KCNQ1OT1: variants seen among roughly 807,000 people sequenced by gnomAD.
KCNQ1OT1 encodes KCNQ1 antisense RNA 2 (non-protein coding).
At chr11:2,697,740 T>C (rs1327235562) in exon 1 of KCNQ1OT1, 4 of 398,486 alleles carry the variant, frequency 1.0e-5, no homozygotes, top group Non-Finnish European at 1.8e-5. Context: ...AGAATTGTTG[T>C]TTAATACATA....
chr11:2,665,352 G>A, exon 1 of KCNQ1OT1: 1 of 398,164 alleles, frequency 2.5e-6, no homozygotes, highest in Non-Finnish European at 4.4e-6. Context: ...ATGGGCAGTT[G>A]GGGAGCACCC....
At chr11:2,619,883 G>A (rs867294003) in exon 1 of KCNQ1OT1, 9 of 398,196 alleles carry the variant, frequency 2.3e-5, no homozygotes, top group African/African-American at 1.6e-4. Context: ...GATTTAGAGG[G>A]TATATGTACA....
At chr11:2,694,833 T>C in exon 1 of KCNQ1OT1, 1 of 398,588 alleles carries the variant, frequency 2.5e-6, no homozygotes, top group East Asian at 3.6e-5. Flanking sequence ...GGATGACAGA[T>C]ATGGCAGGTC....
exon 1 of KCNQ1OT1, chr11:2,638,533 C>T (rs893887410): frequency 6.6e-5 from 10 of 152,190 alleles, no homozygotes; most frequent in African/African-American, 1.9e-4. Context: ...AGAGTTTCTG[C>T]TGAGAGATCC....
In KCNQ1OT1 at chr11:2,662,065, A is replaced by G. The variant is rs189794855; in HGVS notation, n.37930T>C. On this transcript the variant is annotated non_coding_transcript_exon_variant, in exon 1 of 1. Coordinates refer to ENST00000597346, the Ensembl canonical transcript of KCNQ1OT1. The stretch of plus-strand genomic sequence containing the variant: ...GGAAGGGGAGACTCTGCTGACACCC[A>G]TCACCCACATCTCACAGTGAGTGCC... 9.3e-6 allele frequency: 15 copies of G among 1,614,086 alleles called. No individual in the cohort carries two copies. The highest frequency in any genetic ancestry group is 1.6e-4 in the Middle Eastern group (1 of 6,084).
rs1229680012 is a variant in KCNQ1OT1 at position 2,668,468 on chromosome 11, C to T, written n.31527G>A. 1.8e-5 allele frequency: 7 copies of T among 398,458 alleles called. No homozygotes were observed. Among genetic ancestry groups the T allele is most frequent in the Non-Finnish European group, 3.1e-5 (7 of 226,074 alleles). 24.7% of individuals were successfully genotyped at this position (398,458 alleles called of 1,614,324 possible). ...CATCCTAACACTTGGCATTTTCCGT[C>T]GTTTCCTTTTCAGCCATGATGGTGA... On this transcript the variant is annotated non_coding_transcript_exon_variant, in exon 1 of 1. Coordinates refer to ENST00000597346, the Ensembl canonical transcript of KCNQ1OT1. This position sits in a 1 kb window ranked among gnomAD's most constrained non-coding sequence, Gnocchi z 4.3.
rs1428012366 is a variant in KCNQ1OT1, at chr11:2,641,352, A to G, written n.58643T>C. 2.5e-5 allele frequency: 10 copies of G among 397,668 alleles called. No homozygotes were observed. In the Admixed American group the frequency reaches 2.6e-4, roughly 11 times the overall value. 24.6% of individuals were successfully genotyped at this position (397,668 alleles called of 1,614,324 possible). ...TCTTTTTAAAATAGCCATTCTCACT[A>G]TGGTTTTGGCTTGCATTTCCCTTAT... On this transcript the variant is annotated non_coding_transcript_exon_variant, in exon 1 of 1. Transcript: ENST00000597346.
rs2044102320 is a variant in KCNQ1OT1 at position 2,668,691 on chromosome 11, C to T, written n.31304G>A. On this transcript the variant is annotated non_coding_transcript_exon_variant, in exon 1 of 1. Transcript: ENST00000597346. The surrounding 1 kb of genome is among the most constrained non-coding windows in gnomAD (Gnocchi z 4.3). ...GTCATTTGTCAGAGAGAGAGATACA[C>T]ACACTCACACTCTCTCACAGACACA... The T allele has an allele frequency of 5.0e-6, 2 of 398,590 alleles. No individual in the cohort carries two copies. The allele number at this position is 398,590 out of a possible 1,614,324, so 24.7% of individuals were successfully genotyped here. A position where few individuals can be genotyped will look rare whatever the true frequency, so the allele number is the denominator to read the frequency against.
At chr11:2,609,182 CA>C (rs2133788195) in exon 1 of KCNQ1OT1, 1 of 398,170 alleles carries the variant, frequency 2.5e-6, no homozygotes, top group African/African-American at 2.1e-5. Flanking sequence ...TCCATCTTTA[CA>C]CTGCTTTAAA....
At position 2,663,166 on chromosome 11, in the gene KCNQ1OT1, A is replaced by G. The variant is rs1245359978; in HGVS notation, n.36829T>C. On this transcript the variant is annotated non_coding_transcript_exon_variant, in exon 1 of 1. Transcript: ENST00000597346. The surrounding 1 kb of genome is among the most constrained non-coding windows in gnomAD (Gnocchi z 5.2). ...GCCCACTGTCTTTCCAGGCCCCCCC[A>G]GTTCACAGAGAGGTTGGCAGTACCT... 5.0e-6 allele frequency: 2 copies of G among 398,744 alleles called. No homozygotes were observed. The highest frequency in any genetic ancestry group is 8.8e-6 in the Non-Finnish European group (2 of 226,172). The allele number at this position is 398,744 out of a possible 1,614,324, so 24.7% of individuals were successfully genotyped here. A position where few individuals can be genotyped will look rare whatever the true frequency, so the allele number is the denominator to read the frequency against.
At chr11:2,633,772 T>C (rs1849403441) in exon 1 of KCNQ1OT1, 4 of 398,516 alleles carry the variant, frequency 1.0e-5, no homozygotes, top group Non-Finnish European at 1.8e-5. Context: ...CATTGTTTTG[T>C]ATACAAGGGG....
chr11:2,654,952 T>C lies in KCNQ1OT1; in HGVS notation n.45043A>G, dbSNP rs1849818785. On this transcript the variant is annotated non_coding_transcript_exon_variant, in exon 1 of 1. Coordinates refer to ENST00000597346, the Ensembl canonical transcript of KCNQ1OT1. This position sits in a 1 kb window ranked among gnomAD's most constrained non-coding sequence, Gnocchi z 6.4. ...AGATACAGGAGACTTCCACAAATTA[T>C]TGTTTCTTGACTTGGAAAAGTATCA... The C allele has an allele frequency of 1.3e-5, 5 of 398,562 alleles. No homozygotes were observed. Among genetic ancestry groups the C allele is most frequent in the Non-Finnish European group, 2.2e-5 (5 of 226,048 alleles). 24.7% of individuals were successfully genotyped at this position (398,562 alleles called of 1,614,324 possible).
chr11:2,680,012 G>A (rs1850364302), exon 1 of KCNQ1OT1: 1 of 396,572 alleles, frequency 2.5e-6, no homozygotes, highest in Non-Finnish European at 4.4e-6. Context: ...TCCTGCCTTA[G>A]CCTCCCTAGT....
At chr11:2,656,431 G>C (rs1462236469) in exon 1 of KCNQ1OT1, 1 of 398,502 alleles carries the variant, frequency 2.5e-6, no homozygotes, top group Non-Finnish European at 4.4e-6. Flanking sequence ...CCTTCTCCTG[G>C]CTGTGACTAA....
In KCNQ1OT1 at chr11:2,661,944, C is replaced by T; in HGVS notation, n.38051G>A. On this transcript the variant is annotated non_coding_transcript_exon_variant, in exon 1 of 1. Transcript: ENST00000597346. This position sits in a 1 kb window ranked among gnomAD's most constrained non-coding sequence, Gnocchi z 5.9. ...GGGTGGGAGGCCTAACGTGCTGTCC[C>T]CACACTTTCTCCTCAGTAAGGAAGA... The T allele has an allele frequency of 6.2e-7, 1 of 1,614,142 alleles. No individual in the cohort carries two copies. Among genetic ancestry groups the T allele is most frequent in the Non-Finnish European group, 8.5e-7 (1 of 1,180,032 alleles).
At position 2,664,891 on chromosome 11, in the gene KCNQ1OT1, C is replaced by T. The variant is rs1044287775; in HGVS notation, n.35104G>A. 4 of 398,652 alleles carry T rather than the reference C, an allele frequency of 1.0e-5. No individual in the cohort carries two copies. The highest frequency in any genetic ancestry group is 1.3e-5 in the Non-Finnish European group (3 of 226,082). The allele number at this position is 398,652 out of a possible 1,614,324, so 24.7% of individuals were successfully genotyped here. A position where few individuals can be genotyped will look rare whatever the true frequency, so the allele number is the denominator to read the frequency against. On this transcript the variant is annotated non_coding_transcript_exon_variant, in exon 1 of 1. Transcript: ENST00000597346. This position sits in a 1 kb window ranked among gnomAD's most constrained non-coding sequence, Gnocchi z 5.1. ...CAAATTAAAAACATAAATAAAGACA[C>T]ATTTTGTTTCCATCTCGAGCTCTCC... is the stretch of plus-strand genomic sequence containing the variant.
At chr11:2,697,250 T>C in exon 1 of KCNQ1OT1, 1 of 398,586 alleles carries the variant, frequency 2.5e-6, no homozygotes, top group Non-Finnish European at 4.4e-6. Flanking sequence ...AAAAGCCCTT[T>C]GGGGGTTTCA....
In KCNQ1OT1 at chr11:2,657,529, G is replaced by C; in HGVS notation, n.42466C>G. The stretch of plus-strand genomic sequence containing the variant: ...AGAAGAGAAACAAAAATAGTACCGA[G>C]TACCCACATCCCTTTCACCAGCTTC... On this transcript the variant is annotated non_coding_transcript_exon_variant, in exon 1 of 1. Coordinates refer to ENST00000597346, the Ensembl canonical transcript of KCNQ1OT1. The surrounding 1 kb of genome is among the most constrained non-coding windows in gnomAD (Gnocchi z 4.8). 1 of 398,496 alleles carries C rather than the reference G, an allele frequency of 2.5e-6. No individual in the cohort carries two copies. Among genetic ancestry groups the C allele is most frequent in the Non-Finnish European group, 4.4e-6 (1 of 226,030 alleles). 24.7% of individuals were successfully genotyped at this position (398,496 alleles called of 1,614,324 possible). A position where few individuals can be genotyped will look rare whatever the true frequency, so the allele number is the denominator to read the frequency against.
chr11:2,679,732 G>A lies in KCNQ1OT1; in HGVS notation n.20263C>T, dbSNP rs1850356595. On this transcript the variant is annotated non_coding_transcript_exon_variant, in exon 1 of 1. Transcript: ENST00000597346. This position sits in a 1 kb window ranked among gnomAD's most constrained non-coding sequence, Gnocchi z 4.8. ...TTCTCTGTATTCTTGTCCAGATGCT[G>A]TGGACAGTGATGATGGGAAAATAGT... The A allele has an allele frequency of 2.5e-6, 1 of 398,590 alleles. No homozygotes were observed. Among genetic ancestry groups the A allele is most frequent in the East Asian group, 3.6e-5 (1 of 28,074 alleles). The allele number at this position is 398,590 out of a possible 1,614,324, so 24.7% of individuals were successfully genotyped here.
Sources: gnomAD v4.1 joint callset for allele counts on GRCh38, gnomAD v4.1.1 for gene constraint, Gnocchi (gnomAD v3.1) non-coding constraint, MANE v1.5 for transcripts, NCBI Gene and HGNC (gene_info 2026-07-23, HGNC 2026-07-21) for gene names.